The following ACOX3 variants were observed in gnomAD, a reference collection of about 807,000 sequenced individuals.
ACOX3 encodes the protein peroxisomal acyl-coenzyme A oxidase 3.
In ACOX3, 73 loss-of-function variants were observed where a neutral mutation model predicts 81.5. The ratio of observed to expected loss-of-function variants is 0.90; its 90% CI spans 0.74 to 1.09. The LOEUF is 1.09. Ranked by LOEUF, ACOX3 falls within the 50% of genes least tolerant of loss-of-function variation. ACOX3 has a pLI of 0.00. For missense variants in ACOX3, 947 were observed against 928.0 expected, an observed-to-expected ratio of 1.02 and a Z score of -0.27; for synonymous variants, 387 against 375.1, an observed-to-expected ratio of 1.03 and a Z score of -0.37.
chr4:8,384,805 G>A lies in ACOX3; in HGVS notation c.1538-3198C>T, dbSNP rs1578884384. ...CCCTGGAAAGCAAGGCCTGGACAGC[G>A]GCCCCAACTCCTCAGCCAGATCACA... On this transcript the variant is annotated intron_variant, in intron 13 of 17. Transcript: ENST00000356406. This position sits in a 1 kb window ranked among gnomAD's most constrained non-coding sequence, Gnocchi z 5.3. Among the ~76,000 whole-genome samples the A allele has an allele frequency of 1.3e-5, 2 of 152,180 alleles. No homozygotes were observed. Among genetic ancestry groups the A allele is most frequent in the Non-Finnish European group, 2.9e-5 (2 of 68,020 alleles).
chr4:8,407,751 G>A lies in ACOX3; in HGVS notation c.688-1708C>T, dbSNP rs560653875. 2.6e-5 allele frequency among the ~76,000 whole-genome samples: 4 copies of A among 152,374 alleles called. No individual in the cohort carries two copies. Among genetic ancestry groups the A allele is most frequent in the East Asian group, 1.9e-4 (1 of 5,182 alleles). ...ATTCTGGTCAATCACCGCTCCCCAAGATACAGGTCCAGCCAGCTAATGGCT... is the reference window on the plus strand; with the variant it reads ...ATTCTGGTCAATCACCGCTCCCCAAAATACAGGTCCAGCCAGCTAATGGCT... On this transcript the variant is annotated intron_variant, in intron 6 of 17. Transcript: ENST00000356406. The surrounding 1 kb of genome is among the most constrained non-coding windows in gnomAD (Gnocchi z 4.6).
rs186135237 is a variant in ACOX3 at position 8,437,875 on chromosome 4, T to A, written c.-15+2773A>T. On this transcript the variant is annotated intron_variant, in intron 1 of 17. Transcript: ENST00000356406. This position sits in a 1 kb window ranked among gnomAD's most constrained non-coding sequence, Gnocchi z 5.2. ...AAAGAATGTAAAGACTAGGGCAGAC[T>A]AGGCACCTTCTTATTAGGCTCCCAG... Among the ~76,000 whole-genome samples the A allele has an allele frequency of 6.6e-6, 1 of 152,358 alleles. No individual in the cohort carries two copies. The highest frequency in any genetic ancestry group is 2.4e-5 in the African/African-American group (1 of 41,594).
In ACOX3 at chr4:8,382,312, C is replaced by G. The variant is rs974096516; in HGVS notation, c.1538-705G>C. 1.3e-5 allele frequency among the ~76,000 whole-genome samples: 2 copies of G among 152,222 alleles called. No homozygotes were observed. Among genetic ancestry groups the G allele is most frequent in the Non-Finnish European group, 2.9e-5 (2 of 68,026 alleles). On this transcript the variant is annotated intron_variant, in intron 13 of 17. Transcript: ENST00000356406. This position sits in a 1 kb window ranked among gnomAD's most constrained non-coding sequence, Gnocchi z 4.1. ...TGGTGCCCACATCTGCGGGGCCCCC[C>G]ACAGCACAGCCAGAGCTGGCCTCCC...
In ACOX3 at chr4:8,386,481, G is replaced by C. The variant is rs1223984659; in HGVS notation, c.1537+2692C>G. 6.6e-6 allele frequency among the ~76,000 whole-genome samples: 1 copy of C among 151,664 alleles called. No individual in the cohort carries two copies. The highest frequency in any genetic ancestry group is 1.5e-5 in the Non-Finnish European group (1 of 67,958). ...CTCCGGAGGCTGAGGCAGGAGAATGGCGAGAACCTGGGAGGTGGAGCTTGC... is the reference window on the plus strand; with the variant it reads ...CTCCGGAGGCTGAGGCAGGAGAATGCCGAGAACCTGGGAGGTGGAGCTTGC... On this transcript the variant is annotated intron_variant, in intron 13 of 17. Transcript: ENST00000356406. This position sits in a 1 kb window ranked among gnomAD's most constrained non-coding sequence, Gnocchi z 5.2.
At chr4:8,409,650 G>GTGCACTGTGGGCAGGGCTGTT (rs1721469243) in intron 6 of ACOX3, among the ~76,000 whole-genome samples, 1 of 145,572 alleles carries the variant, frequency 6.9e-6, no homozygotes, top group South Asian at 2.3e-4. Flanking sequence ...AGGGCTGTCT[G>GTGCACTGTGGGCAGGGCTGTT]TGCACTGTGG....
rs1222924988 is a variant in ACOX3, at chr4:8,381,309, G to A, written c.1653+183C>T. 1.3e-5 allele frequency among the ~76,000 whole-genome samples: 2 copies of A among 152,186 alleles called. No individual in the cohort carries two copies. The highest frequency in any genetic ancestry group is 2.9e-5 in the Non-Finnish European group (2 of 68,028). On this transcript the variant is annotated intron_variant, in intron 14 of 17. Transcript: ENST00000356406. The surrounding 1 kb of genome is among the most constrained non-coding windows in gnomAD (Gnocchi z 4.3). ...ACCTCCCCAGCCCAGCAAGACAGGT[G>A]CTGCCATCCCTGTGTTACAGAGGAG...
At chr4:8,402,787 C>T (rs190294605) in intron 7 of ACOX3, among the ~76,000 whole-genome samples, 22 of 152,324 alleles carry the variant, frequency 1.4e-4, no homozygotes, top group African/African-American at 4.6e-4. Flanking sequence ...GCACGTGGCA[C>T]GGGAGGCCTG....
rs887549892 is a variant in ACOX3, at chr4:8,381,892, C to T, written c.1538-285G>A. On this transcript the variant is annotated intron_variant, in intron 13 of 17. Transcript: ENST00000356406. The surrounding 1 kb of genome is among the most constrained non-coding windows in gnomAD (Gnocchi z 4.3). ...CCTGGAGGCCACAGGAACACGGTGCCGCCGCTAGAGTGGGCCCCCGAGTGG... is the reference window on the plus strand; with the variant it reads ...CCTGGAGGCCACAGGAACACGGTGCTGCCGCTAGAGTGGGCCCCCGAGTGG... Among the ~76,000 whole-genome samples, 8 of 152,248 alleles carry T rather than the reference C, an allele frequency of 5.3e-5. No individual in the cohort carries two copies. Among genetic ancestry groups the T allele is most frequent in the East Asian group, 1.9e-4 (1 of 5,202 alleles).
intron 14 of ACOX3, among the ~76,000 whole-genome samples, chr4:8,375,690 G>A (rs1328327065): frequency 2.6e-5 from 4 of 152,216 alleles, no homozygotes; most frequent in African/African-American, 7.2e-5. Flanking sequence ...TAAGGCCCCC[G>A]CAGGCTCTGC....
chr4:8,356,224 C>T, the ACOX3 span: 16 of 310,570 alleles, frequency 5.2e-5, no homozygotes, highest in Admixed American at 1.2e-4. Flanking sequence ...AGTCCCACAT[C>T]CAATAGACAG....
In ACOX3 at chr4:8,381,566, G is replaced by A. The variant is rs146945288; in HGVS notation, c.1579C>T (p.Arg527Ter). 8.1e-6 allele frequency: 13 copies of A among 1,613,774 alleles called. No individual in the cohort carries two copies. The highest frequency in any genetic ancestry group is 2.2e-5 in the East Asian group (1 of 44,892). ...TGGTTTAATTTTTGATAAGTCTCTC[G>A]GAGCAGGTAGCAAACCAGCCACTTG... is the stretch of plus-strand genomic sequence containing the variant. ...AYKWLVCYLLRETYQKLNQEK... is the reference protein window; with the variant it reads ...AYKWLVCYLL Residue 527 changes from arginine (R) to a stop codon, truncating the protein, a stop_gained, in exon 14 of 18, where the codon CGA becomes TGA. Coordinates refer to ENST00000356406, the MANE Select transcript of ACOX3 (RefSeq NM_003501.3). LOFTEE classifies it high-confidence loss of function. The surrounding 1 kb of genome is among the most constrained non-coding windows in gnomAD (Gnocchi z 4.3).
In ACOX3 at chr4:8,419,879, G is replaced by C. The variant is rs1722745258; in HGVS notation, c.-14-3344C>G. On this transcript the variant is annotated intron_variant, in intron 1 of 17. Transcript: ENST00000356406. The surrounding 1 kb of genome is among the most constrained non-coding windows in gnomAD (Gnocchi z 4.2). ...AATTACAAACCCCAGTGTCATGTTG[G>C]AATTCCCCTCTCCATGCGCCATAAC... Among the ~76,000 whole-genome samples the C allele has an allele frequency of 6.6e-6, 1 of 152,136 alleles. No individual in the cohort carries two copies. The highest frequency in any genetic ancestry group is 2.4e-5 in the African/African-American group (1 of 41,422).
At chr4:8,375,510 C>T (rs1294070888) in intron 14 of ACOX3, among the ~76,000 whole-genome samples, 1 of 152,192 alleles carries the variant, frequency 6.6e-6, no homozygotes, top group Non-Finnish European at 1.5e-5. Context: ...CACCAGGAGG[C>T]CCCCAAGGGC....
rs758363461 is a variant in ACOX3, at chr4:8,416,437, A to T, written c.85T>A (p.Ser29Thr). The change falls in exon 2 of 18, where the codon TCC becomes ACC. Residue 29 changes from serine (S) to threonine (T), a missense_variant. Transcript: ENST00000356406. This position sits in a 1 kb window ranked among gnomAD's most constrained non-coding sequence, Gnocchi z 4.2. ...AGCGCCAGCTCCTTCCAGCTGAAGG[A>T]CGCTCTTGCTCGGTAGGCATCGAGG... ...GPLDAYRARA[S>T]FSWKELALFT... The T allele has an allele frequency of 6.2e-7, 1 of 1,614,056 alleles. No homozygotes were observed. The highest frequency in any genetic ancestry group is 8.5e-7 in the Non-Finnish European group (1 of 1,180,038).
In ACOX3 at chr4:8,381,526, C is replaced by T. The variant is rs1460327949; in HGVS notation, c.1619G>A (p.Gly540Glu). Residue 540 changes from glycine to glutamate, a missense_variant, in exon 14 of 18, where the codon GGA becomes GAA. Gly to Glu is a moderately conservative substitution (Grantham distance 98, BLOSUM62 -2). Transcript: ENST00000356406. This position sits in a 1 kb window ranked among gnomAD's most constrained non-coding sequence, Gnocchi z 4.3. ...YQKLNQEKRS[G>E]SSDFEARNKC... ...GTTCCTTGCTTCAAAGTCACTGCTT[C>T]CTGATCTTTTCTCTTGGTTTAATTT... is the stretch of plus-strand genomic sequence containing the variant. The T allele has an allele frequency of 6.2e-7, 1 of 1,613,890 alleles. No homozygotes were observed. Among genetic ancestry groups the T allele is most frequent in the Non-Finnish European group, 8.5e-7 (1 of 1,179,990 alleles).
At chr4:8,360,494 CAG>C in the ACOX3 span, among the ~76,000 whole-genome samples, 7 of 141,304 alleles carry the variant, frequency 5.0e-5, no homozygotes, top group African/African-American at 8.0e-5. Flanking sequence ...TTTTTTGAGA[CAG>C]AGTTTTACTC....
chr4:8,357,595 G>A, the ACOX3 span: 2 of 274,968 alleles, frequency 7.3e-6, no homozygotes, highest in Admixed American at 4.8e-5. Flanking sequence ...AATTATTCAA[G>A]TTTTTGCTGC....
chr4:8,416,657 A>G lies in ACOX3; in HGVS notation c.-14-122T>C. On this transcript the variant is annotated intron_variant, in intron 1 of 17. Coordinates refer to ENST00000356406, the MANE Select transcript of ACOX3 (RefSeq NM_003501.3). This position sits in a 1 kb window ranked among gnomAD's most constrained non-coding sequence, Gnocchi z 4.2. ...AAAAGTAAACTTGAAATCCAAAAGG[A>G]TGGCAAAAGAGAATCACTCTGTGAA... The G allele has an allele frequency of 8.9e-7, 1 of 1,118,712 alleles. No homozygotes were observed. Among genetic ancestry groups the G allele is most frequent in the Non-Finnish European group, 1.2e-6 (1 of 817,540 alleles). The allele number at this position is 1,118,712 out of a possible 1,614,324, so 69.3% of individuals were successfully genotyped here.
rs984714066 is a variant in ACOX3, at chr4:8,382,363, G to A, written c.1538-756C>T. Among the ~76,000 whole-genome samples the A allele has an allele frequency of 1.3e-5, 2 of 152,210 alleles. No homozygotes were observed. Among genetic ancestry groups the A allele is most frequent in the African/African-American group, 4.8e-5 (2 of 41,450 alleles). On this transcript the variant is annotated intron_variant, in intron 13 of 17. Transcript: ENST00000356406. This position sits in a 1 kb window ranked among gnomAD's most constrained non-coding sequence, Gnocchi z 4.1. The stretch of plus-strand genomic sequence containing the variant: ...ACAGTACTCCGTATGGACCAGGCAT[G>A]GTCCTGAGACCCCACCAGGCTGTAC...
Sources: allele counts gnomAD v4.1 joint callset (sites outside exome capture counted in the v4.1 genomes callset), GRCh38; gene constraint gnomAD v4.1.1; non-coding constraint Gnocchi (gnomAD v3.1); transcripts MANE v1.5; gene names NCBI Gene and HGNC (gene_info 2026-07-23, HGNC 2026-07-21).